The following RPTOR variants were observed in gnomAD, a reference collection of about 807,000 sequenced individuals.
The protein encoded by RPTOR is regulatory associated protein of MTOR complex 1.
A neutral mutation model predicts 169.9 loss-of-function variants in RPTOR; 21 were observed. That is an observed-to-expected ratio of 0.12 (90% confidence interval 0.09 to 0.18). The LOEUF (loss-of-function observed/expected upper bound fraction) is 0.18. Ranked by LOEUF, RPTOR falls within the 10% of genes least tolerant of loss-of-function variation. The probability of loss-of-function intolerance (pLI) is 1.00; values close to 1 mark genes in which losing one functional copy is unlikely to be tolerated. For synonymous variants in RPTOR, 732 were observed against 753.2 expected, an observed-to-expected ratio of 0.97 and a Z score of 0.46; for missense variants, 1,133 against 1,855.9, an observed-to-expected ratio of 0.61 and a Z score of 7.16.
At chr17:80,903,481 C>T (rs553946697) in intron 20 of RPTOR, among the ~76,000 whole-genome samples, 6 of 152,318 alleles carry the variant, frequency 3.9e-5, no homozygotes, top group Non-Finnish European at 5.9e-5. Flanking sequence ...GCACACATTG[C>T]GGCCGGCTGC....
rs1555594151 is a variant in RPTOR at position 80,601,553 on chromosome 17, G to GTCT, written c.163-24136_163-24134dup. Among the ~76,000 whole-genome samples, 27 of 8,650 alleles carry GTCT rather than the reference G, an allele frequency of 3.1e-3. 7 individuals carry two copies. The highest frequency in any genetic ancestry group is 4.4e-3 in the African/African-American group (17 of 3,856). The allele number at this position is 8,650 out of a possible 152,430, so 5.7% of individuals were successfully genotyped here. ...TGCTGCTGTTGGTGAAGATGGTTCAGTCTTTTTTTTTTTTTTTTTAAATTT... is the reference window on the plus strand; with the variant it reads ...TGCTGCTGTTGGTGAAGATGGTTCAGTCTTCTTTTTTTTTTTTTTTTTAAATTT... On this transcript the variant is annotated intron_variant, in intron 1 of 33. Coordinates refer to ENST00000306801, the MANE Select transcript of RPTOR (RefSeq NM_020761.3).
chr17:80,724,840 G>C (rs746315020), intron 4 of RPTOR, among the ~76,000 whole-genome samples: 1 of 152,206 alleles, frequency 6.6e-6, no homozygotes, highest in African/African-American at 2.4e-5. Flanking sequence ...ACTTGCGCTT[G>C]CCTTTTCAGC....
At chr17:80,618,751 C>G (rs1319023019) in intron 1 of RPTOR, among the ~76,000 whole-genome samples, 2 of 152,232 alleles carry the variant, frequency 1.3e-5, no homozygotes, top group Non-Finnish European at 2.9e-5. Flanking sequence ...TCCCCTCATT[C>G]CCAATTCCCA....
intron 3 of RPTOR, among the ~76,000 whole-genome samples, chr17:80,660,112 A>C (rs1436506705): frequency 1.3e-5 from 2 of 152,024 alleles, no homozygotes; most frequent in African/African-American, 4.8e-5. Flanking sequence ...CTCTACTAAA[A>C]ATGCAAAAAT....
At chr17:80,560,239 G>C (rs1416386959) in intron 1 of RPTOR, among the ~76,000 whole-genome samples, 1 of 152,232 alleles carries the variant, frequency 6.6e-6, no homozygotes, top group African/African-American at 2.4e-5. Flanking sequence ...TGGATGGGCT[G>C]TGGAGTCCAT....
chr17:80,652,384 C>T (rs1243265911), intron 3 of RPTOR, among the ~76,000 whole-genome samples: 1 of 152,216 alleles, frequency 6.6e-6, no homozygotes, highest in Non-Finnish European at 1.5e-5. Context: ...AGGTACTCCA[C>T]ACAAATGGAG....
intron 3 of RPTOR, among the ~76,000 whole-genome samples, chr17:80,682,169 T>C (rs1424815712): frequency 7.4e-6 from 1 of 135,718 alleles, no homozygotes; most frequent in African/African-American, 2.7e-5. Flanking sequence ...AGTGGTGCAA[T>C]CATGGGTCGC....
intron 5 of RPTOR, among the ~76,000 whole-genome samples, chr17:80,737,290 G>A (rs975654673): frequency 2.0e-4 from 30 of 152,342 alleles, no homozygotes; most frequent in African/African-American, 7.2e-4. Flanking sequence ...GGCGCTGGCT[G>A]CTGCGCTGGG....
Position 80,695,237 on chromosome 17 carries a change from C to T in RPTOR, c.349-12604C>T, listed in dbSNP as rs953168273. ...CCGTGCTGTGCGGGTCACTCACCCC[C>T]ACATTGTCTGCCACGGGGGCCCGAG... On this transcript the variant is annotated intron_variant, in intron 3 of 33. Coordinates refer to ENST00000306801, the MANE Select transcript of RPTOR (RefSeq NM_020761.3). The surrounding 1 kb of genome is among the most constrained non-coding windows in gnomAD (Gnocchi z 4.9). Among the ~76,000 whole-genome samples the T allele has an allele frequency of 5.3e-5, 8 of 152,354 alleles. No individual in the cohort carries two copies. The South Asian group carries it at 1.0e-3, about 20-fold the overall frequency.
intron 6 of RPTOR, among the ~76,000 whole-genome samples, chr17:80,786,060 G>A (rs1283658952): frequency 6.6e-6 from 1 of 152,212 alleles, no homozygotes; most frequent in Admixed American, 6.5e-5. Flanking sequence ...GGGATACCCA[G>A]GGATGACTGT....
rs138638080 is a variant in RPTOR at position 80,661,006 on chromosome 17, C to T, written c.348+17196C>T. Among the ~76,000 whole-genome samples the T allele has an allele frequency of 1.1e-4, 16 of 152,330 alleles. No homozygotes were observed. In the East Asian group the frequency reaches 3.1e-3, roughly 29 times the overall value. ...GTTTTCCTCTCCCTCTGCTGCGTTT[C>T]CTTCTCTTGGGCCTGCTCATCTTTC... On this transcript the variant is annotated intron_variant, in intron 3 of 33. Transcript: ENST00000306801.
intron 1 of RPTOR, among the ~76,000 whole-genome samples, chr17:80,598,147 A>G (rs1332900368): frequency 6.6e-6 from 1 of 152,010 alleles, no homozygotes; most frequent in African/African-American, 2.4e-5. Context: ...GTCTCAAAAA[A>G]AAAGATTCGT....
intron 7 of RPTOR, among the ~76,000 whole-genome samples, chr17:80,798,822 C>T (rs184454671): frequency 2.6e-5 from 4 of 152,244 alleles, no homozygotes; most frequent in Admixed American, 1.3e-4. Flanking sequence ...TTAATAAAAA[C>T]GTTTGTGCAT....
At chr17:80,811,779 A>G (rs34405553) in intron 7 of RPTOR, among the ~76,000 whole-genome samples, 7 of 129,578 alleles carry the variant, frequency 5.4e-5, no homozygotes, top group South Asian at 2.7e-4. Flanking sequence ...ACACAACCAC[A>G]CCCTCTCTAA....
intron 1 of RPTOR, among the ~76,000 whole-genome samples, chr17:80,551,053 G>T (rs540784006): frequency 2.6e-5 from 4 of 151,960 alleles, no homozygotes; most frequent in Non-Finnish European, 5.9e-5. Context: ...ATGCCCGGCT[G>T]ATTTTTTGTA....
chr17:80,622,574 A>G (rs2065362140), intron 1 of RPTOR, among the ~76,000 whole-genome samples: 1 of 152,184 alleles, frequency 6.6e-6, no homozygotes, highest in Non-Finnish European at 1.5e-5. Context: ...CTCCTAGTAT[A>G]TCCACGGAGG....
chr17:80,962,903 G>T (rs74001166), intron 32 of RPTOR, 25 bp from the exon 33 acceptor site: 39 of 1,613,120 alleles, frequency 2.4e-5, no homozygotes, highest in South Asian at 1.4e-4. Context: ...GGGCAGTGAT[G>T]CCGGGACCCT....
chr17:80,742,846 A>G (rs1464617840), intron 5 of RPTOR, among the ~76,000 whole-genome samples: 1 of 152,054 alleles, frequency 6.6e-6, no homozygotes, highest in African/African-American at 2.4e-5. Flanking sequence ...ACATAAACAT[A>G]CACATATACA....
At chr17:80,743,077 G>A (rs1231466735) in intron 5 of RPTOR, among the ~76,000 whole-genome samples, 5 of 152,144 alleles carry the variant, frequency 3.3e-5, no homozygotes, top group African/African-American at 1.2e-4. Context: ...TTATTAGATT[G>A]TCTTTGCGCA....
Sources: allele counts gnomAD v4.1 joint callset (sites outside exome capture counted in the v4.1 genomes callset), GRCh38; gene constraint gnomAD v4.1.1; non-coding constraint Gnocchi (gnomAD v3.1); transcripts MANE v1.5; gene names NCBI Gene and HGNC (gene_info 2026-07-23, HGNC 2026-07-21).